The following SORL1 variants were observed in gnomAD, a reference collection of about 807,000 sequenced individuals.
The protein encoded by SORL1 is sortilin-related receptor.
SORL1 carries 127 observed loss-of-function variants against 273.7 expected under a neutral mutation model. That is an observed-to-expected ratio of 0.46 (90% CI 0.40 to 0.54). The LOEUF (loss-of-function observed/expected upper bound fraction) is 0.54. SORL1 is among the 20% of genes least tolerant of loss of function. The pLI is 0.00. For synonymous variants in SORL1, 1,031 were observed against 1,067.4 expected (o/e 0.97, Z 0.66); for missense variants, 2,494 against 2,846.1 (o/e 0.88, Z 2.81).
At chr11:121,461,320 A>G (rs1332934880) in intron 1 of SORL1, among the ~76,000 whole-genome samples, 1 of 152,128 alleles carries the variant, frequency 6.6e-6, no homozygotes, top group East Asian at 1.9e-4. Context: ...TAGAGGAGAA[A>G]AATGAAGCAG....
intron 22 of SORL1, among the ~76,000 whole-genome samples, chr11:121,569,304 C>T (rs1361787951): frequency 2.0e-5 from 3 of 152,012 alleles, no homozygotes; most frequent in African/African-American, 4.8e-5. Flanking sequence ...AATCTGGGCA[C>T]CTTGAAAAAA....
chr11:121,528,189 C>T (rs1289176082), intron 11 of SORL1, among the ~76,000 whole-genome samples: 4 of 152,134 alleles, frequency 2.6e-5, no homozygotes, highest in African/African-American at 7.2e-5. Flanking sequence ...GAGATATAGG[C>T]TGCACACAGT....
rs1322571196 is a variant in SORL1 at position 121,532,488 on chromosome 11, A to G, written c.1621A>G (p.Thr541Ala). 2 of 1,614,132 alleles carry G rather than the reference A, an allele frequency of 1.2e-6. No homozygotes were observed. The highest frequency in any genetic ancestry group is 1.7e-6 in the Non-Finnish European group (2 of 1,179,990). ...GGCACTTCCTGGACCTCACTACTAC[A>G]CATGGGGAGACCACGGCGGAATCAT... Reference protein sequence around the residue: ...REALPGPHYYTWGDHGGIITA... With the variant: ...REALPGPHYYAWGDHGGIITA... Residue 541 changes from threonine to alanine, a missense_variant, in exon 12 of 48, where the codon ACA (threonine) becomes GCA (alanine). This residue lies in a region of SORL1 where 710 missense variants were observed against 882.5 expected (regional missense o/e 0.80). Transcript: ENST00000260197.
At chr11:121,525,210 T>A (rs1238358058) in intron 11 of SORL1, among the ~76,000 whole-genome samples, 1 of 152,248 alleles carries the variant, frequency 6.6e-6, no homozygotes, top group Non-Finnish European at 1.5e-5. Context: ...TTTTGATAAG[T>A]GGACTCACAC....
intron 40 of SORL1, 29 bp from the exon 41 acceptor site, chr11:121,614,842 C>T (rs754043560): frequency 2.5e-6 from 4 of 1,601,608 alleles, no homozygotes; most frequent in Admixed American, 3.4e-5. Context: ...CCAACTTCCT[C>T]CTGGAATCTC....
chr11:121,548,999 G>T (rs1203097287), intron 14 of SORL1, among the ~76,000 whole-genome samples: 2 of 152,128 alleles, frequency 1.3e-5, no homozygotes, highest in Non-Finnish European at 2.9e-5. Flanking sequence ...TACAGGTTTG[G>T]AAGGGCCTTA....
intron 8 of SORL1, among the ~76,000 whole-genome samples, chr11:121,520,161 G>A (rs1862018403): frequency 6.6e-6 from 1 of 152,202 alleles, no homozygotes; most frequent in Non-Finnish European, 1.5e-5. Context: ...GCTGAGGTGT[G>A]AGGATCATTG....
Position 121,470,002 on chromosome 11 carries a change from T to G in SORL1, c.286-5T>G. Reference sequence around the variant, plus strand: ...GGTCCTAATTCCTACATTGATCTCTTTCAGGTTAGTCTGAATGATTCCCAC... The same window carrying G: ...GGTCCTAATTCCTACATTGATCTCTGTCAGGTTAGTCTGAATGATTCCCAC... On this transcript the variant is annotated splice_polypyrimidine_tract_variant and splice_region_variant and intron_variant, in intron 1 of 47. Coordinates refer to ENST00000260197, the MANE Select transcript of SORL1 (RefSeq NM_003105.6). 1 of 1,602,278 alleles carries G rather than the reference T, an allele frequency of 6.2e-7. No homozygotes were observed. Among genetic ancestry groups the G allele is most frequent in the Non-Finnish European group, 8.6e-7 (1 of 1,169,164 alleles).
chr11:121,541,462 G>A (rs1296727431), intron 12 of SORL1, among the ~76,000 whole-genome samples: 9 of 152,096 alleles, frequency 5.9e-5, no homozygotes, highest in Non-Finnish European at 1.0e-4. Context: ...CTTCTGCCTT[G>A]GCCTCCCAAA....
At chr11:121,456,515 T>C (rs1223982701) in intron 1 of SORL1, among the ~76,000 whole-genome samples, 1 of 152,216 alleles carries the variant, frequency 6.6e-6, no homozygotes, top group Non-Finnish European at 1.5e-5. Context: ...GAAAATGAGA[T>C]GGCTCATTCG....
At chr11:121,561,332 G>A (rs1467713754) in intron 21 of SORL1, among the ~76,000 whole-genome samples, 6 of 152,196 alleles carry the variant, frequency 3.9e-5, no homozygotes, top group Non-Finnish European at 8.8e-5. Flanking sequence ...TGTGACTGAG[G>A]AGCAGTGCGG....
intron 11 of SORL1, among the ~76,000 whole-genome samples, chr11:121,523,263 C>T (rs1210961596): frequency 1.3e-5 from 2 of 152,176 alleles, no homozygotes; most frequent in African/African-American, 4.8e-5. Flanking sequence ...GTTTTACTGA[C>T]TTCTTTATCC....
intron 24 of SORL1, among the ~76,000 whole-genome samples, chr11:121,576,151 C>T (rs1201647460): frequency 6.6e-6 from 1 of 152,218 alleles, no homozygotes; most frequent in Non-Finnish European, 1.5e-5. Flanking sequence ...TCTATTTGGG[C>T]TGTGATAACA....
At chr11:121,597,064 G>A (rs1863305903) in intron 32 of SORL1, among the ~76,000 whole-genome samples, 1 of 152,238 alleles carries the variant, frequency 6.6e-6, no homozygotes, top group Non-Finnish European at 1.5e-5. Flanking sequence ...TGAATCAAGA[G>A]CAATGGTGGA....
At chr11:121,615,755 G>C (rs918979871) in intron 41 of SORL1, among the ~76,000 whole-genome samples, 1 of 152,220 alleles carries the variant, frequency 6.6e-6, no homozygotes, top group African/African-American at 2.4e-5. Flanking sequence ...GCAAGTAGCT[G>C]TCTGTAAAAT....
At chr11:121,471,577 G>C (rs1389813008) in intron 2 of SORL1, among the ~76,000 whole-genome samples, 1 of 152,116 alleles carries the variant, frequency 6.6e-6, no homozygotes, top group Non-Finnish European at 1.5e-5. Flanking sequence ...TTCTGGCCGG[G>C]GGAACCTTCT....
intron 1 of SORL1, among the ~76,000 whole-genome samples, chr11:121,462,632 T>C (rs1466619055): frequency 1.3e-5 from 2 of 152,242 alleles, no homozygotes; most frequent in Non-Finnish European, 2.9e-5. Flanking sequence ...TCGCCCAGGC[T>C]GGAGTGCAGT....
chr11:121,529,711 G>T (rs1369331729), intron 11 of SORL1, among the ~76,000 whole-genome samples: 1 of 151,978 alleles, frequency 6.6e-6, no homozygotes, highest in Admixed American at 6.6e-5. Context: ...TCTTTGAAGT[G>T]TTTCTTCTAG....
At chr11:121,570,114 A>G (rs1452532664) in intron 22 of SORL1, 43 bp from the exon 23 acceptor site, 1 of 1,305,886 alleles carries the variant, frequency 7.7e-7, no homozygotes, top group East Asian at 2.3e-5. Flanking sequence ...CAGTAAGAAT[A>G]ATATTGGTTT....
Sources: gnomAD v4.1 joint callset for allele counts (sites outside exome capture counted in the v4.1 genomes callset) on GRCh38, gnomAD v4.1.1 for gene constraint, gnomAD v4.1.1 regional missense constraint, MANE v1.5 for transcripts, NCBI Gene and HGNC (gene_info 2026-07-23, HGNC 2026-07-21) for gene names.